Variants in OLA1 observed in about 807,000 individuals in gnomAD.
The protein encoded by OLA1 is Obg like ATPase 1.
Under a neutral mutation model 48.4 loss-of-function variants are expected in OLA1, and 14 were observed. The observed-to-expected ratio is 0.29, with a 90% confidence interval of 0.19 to 0.45. The LOEUF (loss-of-function observed/expected upper bound fraction) is 0.45. Among genes scored for constraint, OLA1 ranks in the 20% least tolerant of loss-of-function variants. The pLI is 1.00. For missense variants in OLA1, 325 were observed against 467.1 expected (o/e 0.70, Z 2.80); for synonymous variants, 127 against 150.4 (o/e 0.84, Z 1.14).
intron 4 of OLA1, among the ~76,000 whole-genome samples, chr2:174,193,353 G>C (rs1368044225): frequency 6.6e-6 from 1 of 152,140 alleles, no homozygotes; most frequent in Non-Finnish European, 1.5e-5. Flanking sequence ...GCCTCCCAAA[G>C]GGCTGGGATT....
chr2:174,192,886 T>G (rs1210668103), intron 4 of OLA1, among the ~76,000 whole-genome samples: 1 of 152,144 alleles, frequency 6.6e-6, no homozygotes, highest in Non-Finnish European at 1.5e-5. Flanking sequence ...CTATACATAA[T>G]GTTACCTTTT....
chr2:174,086,519 C>T (rs907004128), intron 7 of OLA1, among the ~76,000 whole-genome samples: 3 of 152,190 alleles, frequency 2.0e-5, no homozygotes, highest in Non-Finnish European at 2.9e-5. Context: ...CACCTTTTCA[C>T]TTAAAGGAAG....
intron 10 of OLA1, among the ~76,000 whole-genome samples, chr2:174,077,511 T>C (rs1054173417): frequency 1.3e-5 from 2 of 152,048 alleles, no homozygotes; most frequent in Admixed American, 1.3e-4. Context: ...GTTTTGGAGG[T>C]TAAAACAACG....
chr2:174,231,000 T>C (rs1239851883), intron 2 of OLA1, among the ~76,000 whole-genome samples: 1 of 152,172 alleles, frequency 6.6e-6, no homozygotes, highest in Non-Finnish European at 1.5e-5. Context: ...TTTATACACA[T>C]AGAAAGCTGA....
At chr2:174,205,448 T>C (rs2105436278) in intron 4 of OLA1, among the ~76,000 whole-genome samples, 2 of 152,328 alleles carry the variant, frequency 1.3e-5, no homozygotes, top group East Asian at 3.9e-4. Context: ...AGTTTTTGAT[T>C]CTACTCATCT....
chr2:174,226,587 C>A (rs1183419854), intron 3 of OLA1, among the ~76,000 whole-genome samples: 1 of 151,986 alleles, frequency 6.6e-6, no homozygotes, highest in Non-Finnish European at 1.5e-5. Flanking sequence ...GCAACCTCTG[C>A]CTGCCAAGTT....
intron 7 of OLA1, among the ~76,000 whole-genome samples, chr2:174,084,730 G>A (rs760232896): frequency 2.0e-5 from 3 of 152,140 alleles, no homozygotes; most frequent in Admixed American, 1.3e-4. Flanking sequence ...AAAAATGTGT[G>A]CTATTGGCAC....
chr2:174,090,186 C>T (rs1293770085), intron 7 of OLA1, among the ~76,000 whole-genome samples: 2 of 152,050 alleles, frequency 1.3e-5, no homozygotes, highest in Non-Finnish European at 2.9e-5. Context: ...AAAATAAATT[C>T]TAGAGAAATG....
chr2:174,143,261 A>C (rs542405581), intron 4 of OLA1, among the ~76,000 whole-genome samples: 20 of 152,312 alleles, frequency 1.3e-4, no homozygotes, highest in African/African-American at 4.8e-4. Context: ...AATTCATATG[A>C]GCAAAATTAG....
intron 7 of OLA1, among the ~76,000 whole-genome samples, chr2:174,097,785 T>TA (rs1156622018): frequency 1.3e-5 from 2 of 151,954 alleles, no homozygotes; most frequent in African/African-American, 4.8e-5. Flanking sequence ...TGTGGATGCG[T>TA]ATGACAGAAC....
intron 4 of OLA1, among the ~76,000 whole-genome samples, chr2:174,178,792 A>G (rs1428329544): frequency 6.6e-6 from 1 of 151,984 alleles, no homozygotes; most frequent in Non-Finnish European, 1.5e-5. Flanking sequence ...TACAAACTTG[A>G]TAAATTCCTG....
intron 7 of OLA1, among the ~76,000 whole-genome samples, chr2:174,115,175 A>G (rs1685752658): frequency 6.6e-6 from 1 of 152,244 alleles, no homozygotes; most frequent in Non-Finnish European, 1.5e-5. Context: ...TCATCTCGGA[A>G]TTTGAGGATC....
chr2:174,200,333 G>A lies in OLA1; in HGVS notation c.373+22700C>T, dbSNP rs184180881. Among the ~76,000 whole-genome samples the A allele has an allele frequency of 2.0e-3, 301 of 152,236 alleles. 3 individuals carry two copies. Among genetic ancestry groups the A allele is most frequent in the African/African-American group, 6.9e-3 (286 of 41,538 alleles). On this transcript the variant is annotated intron_variant, in intron 4 of 10. Transcript: ENST00000284719. ...TCTGTCTTTCCATAGGAAGACAGGTGGATGAAGAGTTACATTCTTTTCTAT... is the reference window on the plus strand; with the variant it reads ...TCTGTCTTTCCATAGGAAGACAGGTAGATGAAGAGTTACATTCTTTTCTAT...
At chr2:174,209,130 C>CTAAA (rs1480511226) in intron 4 of OLA1, among the ~76,000 whole-genome samples, 2 of 152,112 alleles carry the variant, frequency 1.3e-5, no homozygotes, top group East Asian at 1.9e-4. Context: ...GATCCAGCTT[C>CTAAA]TAAATAAATA....
chr2:174,217,494 A>G (rs998936325), intron 4 of OLA1, among the ~76,000 whole-genome samples: 1 of 152,370 alleles, frequency 6.6e-6, no homozygotes, highest in Non-Finnish European at 1.5e-5. Flanking sequence ...AAGGAAAAGT[A>G]TAAGAAAAGT....
At chr2:174,100,348 C>A (rs1321386553) in intron 7 of OLA1, among the ~76,000 whole-genome samples, 1 of 152,128 alleles carries the variant, frequency 6.6e-6, no homozygotes, top group Non-Finnish European at 1.5e-5. Flanking sequence ...TGTTGATTGA[C>A]CTCTCTAGGT....
At position 174,227,752 on chromosome 2, in the gene OLA1, A is replaced by G. The variant is rs1559015764; in HGVS notation, c.245+1556T>C. On this transcript the variant is annotated intron_variant, in intron 3 of 10. Coordinates refer to ENST00000284719, the MANE Select transcript of OLA1 (RefSeq NM_013341.5). ...ACATGAATGAACAGATGAAGATGAG[A>G]AAGCTTTTCCTTACAGTACAATAGT... Among the ~76,000 whole-genome samples the G allele has an allele frequency of 1.3e-5, 2 of 152,202 alleles. 1 individual carries two copies. The highest frequency in any genetic ancestry group is 3.8e-4 in the East Asian group (2 of 5,206).
At chr2:174,243,495 C>T (rs1438959981) in intron 2 of OLA1, among the ~76,000 whole-genome samples, 1 of 152,172 alleles carries the variant, frequency 6.6e-6, no homozygotes, top group Non-Finnish European at 1.5e-5. Flanking sequence ...ATATGTATCC[C>T]ATTAACAAAT....
chr2:174,204,236 C>G (rs1227283752), intron 4 of OLA1, among the ~76,000 whole-genome samples: 3 of 151,964 alleles, frequency 2.0e-5, no homozygotes, highest in Admixed American at 6.6e-5. Flanking sequence ...CCCGTCTCCA[C>G]TAAAATTACA....
Sources: allele counts gnomAD v4.1 joint callset (sites outside exome capture counted in the v4.1 genomes callset), GRCh38; gene constraint gnomAD v4.1.1; transcripts MANE v1.5; gene names NCBI Gene and HGNC (gene_info 2026-07-23, HGNC 2026-07-21).